TYRP1: variants seen among roughly 807,000 people sequenced by gnomAD.
TYRP1 encodes 5,6-dihydroxyindole-2-carboxylic acid oxidase.
Under a neutral mutation model 42.8 loss-of-function variants are expected in TYRP1, and 49 were observed. That is an observed-to-expected ratio of 1.14 (90% CI 0.91 to 1.45). The LOEUF is 1.45. Ranked by LOEUF, TYRP1 falls within the 40% of genes most tolerant of loss-of-function variation. The probability of loss-of-function intolerance (pLI) is 0.00; values close to 1 mark genes in which losing one functional copy is unlikely to be tolerated. For synonymous variants in TYRP1, 279 were observed against 235.4 expected (o/e 1.19, Z -1.69); for missense variants, 848 against 662.0 (o/e 1.28, Z -3.08).
At chr9:12,699,756 G>C (rs1436615883) in intron 4 of TYRP1, among the ~76,000 whole-genome samples, 2 of 152,038 alleles carry the variant, frequency 1.3e-5, no homozygotes, top group African/African-American at 4.8e-5. Flanking sequence ...TGAGGATCAG[G>C]ATGTCTGCAG....
chr9:12,709,108 C>T lies in TYRP1; in HGVS notation c.1540C>T (p.Leu514Phe), dbSNP rs1201887950. 2 of 1,612,816 alleles carry T rather than the reference C, an allele frequency of 1.2e-6. No individual in the cohort carries two copies. The highest frequency in any genetic ancestry group is 3.3e-5 in the Admixed American group (2 of 59,836). ...RRSMDEANQP[L>F]LTDQYQCYAE... ...CAGTATGGATGAAGCTAACCAGCCT[C>T]TCCTCACTGATCAGTATCAATGCTA... Residue 514 changes from leucine to phenylalanine, a missense_variant, in exon 8 of 8, where the codon CTC (leucine) becomes TTC (phenylalanine). Physicochemically the swap from Leu to Phe is conservative, Grantham distance 22. Transcript: ENST00000388918.
At chr9:12,706,374 T>C (rs1201949642) in intron 6 of TYRP1, among the ~76,000 whole-genome samples, 3 of 152,066 alleles carry the variant, frequency 2.0e-5, no homozygotes, top group Non-Finnish European at 2.9e-5. Context: ...CTTGTGTATC[T>C]TGGCTGAAAA....
chr9:12,705,129 C>CT, intron 6 of TYRP1, among the ~76,000 whole-genome samples: 1 of 152,106 alleles, frequency 6.6e-6, no homozygotes, highest in East Asian at 1.9e-4. Context: ...ATTTTTATTA[C>CT]TTAATGGCCC....
chr9:12,702,734 T>A (rs945306046), intron 5 of TYRP1, among the ~76,000 whole-genome samples: 1 of 151,998 alleles, frequency 6.6e-6, no homozygotes, highest in African/African-American at 2.4e-5. Flanking sequence ...AATATGTAAC[T>A]ATATCAAGGT....
chr9:12,702,781 G>A (rs1170781349), intron 5 of TYRP1, among the ~76,000 whole-genome samples: 1 of 151,928 alleles, frequency 6.6e-6, no homozygotes, highest in Non-Finnish European at 1.5e-5. Context: ...GACTTTGACA[G>A]TGTATTAAAT....
chr9:12,700,314 T>C (rs1818145229), intron 4 of TYRP1: 1 of 152,066 alleles, frequency 6.6e-6, no homozygotes, highest in Non-Finnish European at 1.5e-5. Context: ...TCTTTAAATA[T>C]TCCATACCCA....
Position 12,694,225 on chromosome 9 carries a change from C to G in TYRP1, c.229C>G (p.Pro77Ala). ...AVTADSRPHS[P>A]QYPHDGRDDR... is the part of the protein sequence containing the mutation. ...GACTGCAGACTCCCGGCCCCACAGC[C>G]CTCAGTATCCCCATGATGGCAGAGA... Residue 77 changes from proline to alanine, a missense_variant, in exon 2 of 8, where the codon CCT becomes GCT. Transcript: ENST00000388918. 1 of 1,613,752 alleles carries G rather than the reference C, an allele frequency of 6.2e-7. No individual in the cohort carries two copies. The highest frequency in any genetic ancestry group is 8.5e-7 in the Non-Finnish European group (1 of 1,179,902).
chr9:12,694,142 C>G lies in TYRP1; in HGVS notation c.146C>G (p.Ser49Cys). ...TGTTGCCCAGACCTGTCCCCTGTGT[C>G]TGGGCCTGGGACAGACCGCTGTGGC... ...GMCCPDLSPVSGPGTDRCGSS... is the reference protein window; with the variant it reads ...GMCCPDLSPVCGPGTDRCGSS... Residue 49 changes from serine to cysteine, a missense_variant, in exon 2 of 8, where the codon TCT becomes TGT. Coordinates refer to ENST00000388918, the MANE Select transcript of TYRP1 (RefSeq NM_000550.3). The G allele has an allele frequency of 1.2e-6, 2 of 1,614,106 alleles. No individual in the cohort carries two copies. Among genetic ancestry groups the G allele is most frequent in the Non-Finnish European group, 1.7e-6 (2 of 1,180,026 alleles).
rs758397960 is a variant in TYRP1 at position 12,694,085 on chromosome 9, G to A, written c.89G>A (p.Cys30Tyr). 1 of 1,614,036 alleles carries A rather than the reference G, an allele frequency of 6.2e-7. No homozygotes were observed. The highest frequency in any genetic ancestry group is 1.7e-5 in the Admixed American group (1 of 59,996). The change falls in exon 2 of 8, where the codon TGT becomes TAT. Residue 30 changes from cysteine to tyrosine, a missense_variant. Cys to Tyr is a radical substitution (Grantham distance 194). Coordinates refer to ENST00000388918, the MANE Select transcript of TYRP1 (RefSeq NM_000550.3). ...GCCCGGGCTCAATTCCCAAGACAGTGTGCCACTGTTGAGGCTTTGAGAAGT... is the reference window on the plus strand; with the variant it reads ...GCCCGGGCTCAATTCCCAAGACAGTATGCCACTGTTGAGGCTTTGAGAAGT... ...QQARAQFPRQ[C>Y]ATVEALRSGM...
intron 4 of TYRP1, among the ~76,000 whole-genome samples, chr9:12,699,579 A>C (rs1818133264): frequency 6.6e-6 from 1 of 152,130 alleles, no homozygotes; most frequent in Admixed American, 6.6e-5. Context: ...ATAAATCAGC[A>C]GGAATTAGAT....
In TYRP1 at chr9:12,694,131, G is replaced by C; in HGVS notation, c.135G>C (p.Leu45=). The change falls in exon 2 of 8, where the codon CTG becomes CTC. Residue 45 remains leucine (L), a synonymous_variant. Transcript: ENST00000388918. The stretch of plus-strand genomic sequence containing the variant: ...GAAGTGGTATGTGTTGCCCAGACCT[G>C]TCCCCTGTGTCTGGGCCTGGGACAG... ...ALRSGMCCPD[L]SPVSGPGTDR... is the part of the protein sequence containing the mutation. 1 of 1,614,068 alleles carries C rather than the reference G, an allele frequency of 6.2e-7. No homozygotes were observed. Among genetic ancestry groups the C allele is most frequent in the Middle Eastern group, 1.6e-4 (1 of 6,062 alleles).
intron 5 of TYRP1, among the ~76,000 whole-genome samples, chr9:12,702,954 A>G (rs1350489484): frequency 2.0e-5 from 3 of 152,086 alleles, no homozygotes; most frequent in African/African-American, 4.8e-5. Context: ...CTGATGCTTA[A>G]CTTGGTTTTC....
At position 12,694,241 on chromosome 9, in the gene TYRP1, A is replaced by G. The variant is rs545558929; in HGVS notation, c.245A>G (p.Asp82Gly). 1.2e-6 allele frequency: 2 copies of G among 1,613,818 alleles called. No homozygotes were observed. The highest frequency in any genetic ancestry group is 1.7e-6 in the Non-Finnish European group (2 of 1,179,922). The stretch of plus-strand genomic sequence containing the variant: ...CCCCACAGCCCTCAGTATCCCCATG[A>G]TGGCAGAGATGATCGGGAGGTCTGG... ...SRPHSPQYPH[D>G]GRDDREVWPL... The change falls in exon 2 of 8, where the codon GAT becomes GGT. Residue 82 changes from aspartate to glycine, a missense_variant. Coordinates refer to ENST00000388918, the MANE Select transcript of TYRP1 (RefSeq NM_000550.3).
chr9:12,708,132 T>C lies in TYRP1; in HGVS notation c.1397T>C (p.Ile466Thr). 6.2e-7 allele frequency: 1 copy of C among 1,612,656 alleles called. No individual in the cohort carries two copies. Among genetic ancestry groups the C allele is most frequent in the Middle Eastern group, 1.7e-4 (1 of 6,050 alleles). ...GACAACCTGGGATACACTTATGAAA[T>C]TCAATGGCCAAGTGAGTGTTGAAAG... Reference protein sequence around the residue: ...APDNLGYTYEIQWPSREFSVP... With the variant: ...APDNLGYTYETQWPSREFSVP... Residue 466 changes from isoleucine (I) to threonine (T), a missense_variant, in exon 7 of 8, where the codon ATT becomes ACT. By Grantham distance (89) the Ile-to-Thr change is moderately conservative. Transcript: ENST00000388918.
intron 1 of TYRP1, 148 bp from the exon 2 acceptor site, chr9:12,693,764 A>T: frequency 2.3e-6 from 1 of 437,558 alleles, no homozygotes; most frequent in Non-Finnish European, 4.0e-6. Context: ...TTAAAGGTAA[A>T]ATTTGTGTGA....
chr9:12,694,302 C>T lies in TYRP1; in HGVS notation c.306C>T (p.Asn102=), dbSNP rs145152954. Residue 102 remains asparagine (N), a synonymous_variant, in exon 2 of 8, where the codon AAC becomes AAT. Coordinates refer to ENST00000388918, the MANE Select transcript of TYRP1 (RefSeq NM_000550.3). ...LRFFNRTCHC[N]GNFSGHNCGT... is the part of the protein sequence containing the mutation. ...TCTTCAATAGGACATGTCACTGCAA[C>T]GGCAATTTCTCAGGACACAACTGTG... is the stretch of plus-strand genomic sequence containing the variant. 4.5e-4 allele frequency: 721 copies of T among 1,613,976 alleles called. 3 individuals are homozygous for T. In the African/African-American group the frequency reaches 7.2e-3, roughly 16 times the overall value.
chr9:12,708,959 A>ATCTT lies in TYRP1; in HGVS notation c.1409-17_1409-14dup. ...TTTTAATATTTGTCTTTTTATTTTTATCTTCCTTTCCAAATAGGTCGGGAG... is the reference window on the plus strand; with the variant it reads ...TTTTAATATTTGTCTTTTTATTTTTATCTTTCTTCCTTTCCAAATAGGTCGGGAG... On this transcript the variant is annotated splice_polypyrimidine_tract_variant and intron_variant, in intron 7 of 7. Transcript: ENST00000388918. 1 of 1,503,798 alleles carries ATCTT rather than the reference A, an allele frequency of 6.6e-7. No individual in the cohort carries two copies. The highest frequency in any genetic ancestry group is 1.1e-5 in the South Asian group (1 of 88,896). 93.2% of individuals were successfully genotyped at this position (1,503,798 alleles called of 1,614,324 possible).
At position 12,709,819 on chromosome 9, in the gene TYRP1, T is replaced by G. The variant is rs988021169; in HGVS notation, c.*637T>G. ...TTTGTCAAACTTTGGAGAGGGAAAA[T>G]CTTCACTTTCTTAAGCAACAATGGA... is the stretch of plus-strand genomic sequence containing the variant. On this transcript the variant is annotated 3_prime_UTR_variant, in exon 8 of 8. Transcript: ENST00000388918. 3 of 153,006 alleles carry G rather than the reference T, an allele frequency of 2.0e-5. No individual in the cohort carries two copies. The highest frequency in any genetic ancestry group is 7.3e-5 in the African/African-American group (3 of 41,372). The allele number at this position is 153,006 out of a possible 1,614,324, so 9.5% of individuals were successfully genotyped here. A position where few individuals can be genotyped will look rare whatever the true frequency, so the allele number is the denominator to read the frequency against.
chr9:12,701,886 T>C (rs1325617768), intron 4 of TYRP1: 1 of 184,160 alleles, frequency 5.4e-6, no homozygotes, highest in Non-Finnish European at 1.2e-5. Context: ...ATATCACATA[T>C]ATGTGACATA....
Sources: gnomAD v4.1 joint callset for allele counts (sites outside exome capture counted in the v4.1 genomes callset) on GRCh38, gnomAD v4.1.1 for gene constraint, MANE v1.5 for transcripts, NCBI Gene and HGNC (gene_info 2026-07-23, HGNC 2026-07-21) for gene names.